DICER1: variants seen among roughly 807,000 people sequenced by gnomAD.
DICER1 encodes the protein endoribonuclease Dicer.
Under a neutral mutation model 194.1 loss-of-function variants are expected in DICER1, and 43 were observed. That is an observed-to-expected ratio of 0.22 (90% CI 0.17 to 0.29). The LOEUF (loss-of-function observed/expected upper bound fraction) is 0.29, where lower values mean the gene tolerates loss of function less well. Ranked by LOEUF, DICER1 falls within the 10% of genes least tolerant of loss-of-function variation. The pLI, the probability that DICER1 is intolerant of heterozygous loss-of-function variation, is 1.00. For missense variants in DICER1, 1,608 were observed against 2,317.0 expected, an observed-to-expected ratio of 0.69 and a Z score of 6.28; for synonymous variants, 832 against 820.5, an observed-to-expected ratio of 1.01 and a Z score of -0.24.
Position 95,096,611 on chromosome 14 carries a change from C to T in DICER1, c.4309G>A (p.Asp1437Asn), listed in dbSNP as rs1595342200. Reference protein sequence around the residue: ...LMWRAPKEEADYEDDFLEYDQ... With the variant: ...LMWRAPKEEANYEDDFLEYDQ... ...TACTCCAGGAAATCATCTTCATAGT[C>T]AGCCTCTTCCTTCGGAGCCCTCCAC... is the stretch of plus-strand genomic sequence containing the variant. The change falls in exon 23 of 27, where the codon GAC becomes AAC. Residue 1437 changes from aspartate (D) to asparagine (N), a missense_variant. By Grantham distance (23) the Asp-to-Asn change is conservative. Around this residue, in one of 10 missense-constraint regions of DICER1, gnomAD observed 164 missense variants for 183.7 expected, o/e 0.89. Coordinates refer to ENST00000343455, the MANE Select transcript of DICER1 (RefSeq NM_177438.3). 1.2e-6 allele frequency: 2 copies of T among 1,611,432 alleles called. No individual in the cohort carries two copies. Among genetic ancestry groups the T allele is most frequent in the South Asian group, 1.1e-5 (1 of 90,682 alleles).
chr14:95,097,085 A>G, intron 22 of DICER1, among the ~76,000 whole-genome samples: 1 of 152,234 alleles, frequency 6.6e-6, no homozygotes, highest in East Asian at 1.9e-4. Flanking sequence ...TGCTGATCAC[A>G]CAGATCTTCA....
At chr14:95,142,224 C>T (rs1894868515) in intron 1 of DICER1, among the ~76,000 whole-genome samples, 1 of 152,034 alleles carries the variant, frequency 6.6e-6, no homozygotes, top group African/African-American at 2.4e-5. Context: ...TCCCAAAGTG[C>T]TGTAGTCCCA....
At chr14:95,140,306 A>G (rs988358540) in intron 1 of DICER1, among the ~76,000 whole-genome samples, 43 of 152,310 alleles carry the variant, frequency 2.8e-4, no homozygotes, top group African/African-American at 1.0e-3. Context: ...GTCTCGTAAG[A>G]TTATGATACT....
chr14:95,149,558 GC>G (rs748943406), intron 1 of DICER1, among the ~76,000 whole-genome samples: 3 of 151,902 alleles, frequency 2.0e-5, no homozygotes, highest in Non-Finnish European at 4.4e-5. Context: ...TTATATTACT[GC>G]CCCATATATT....
chr14:95,101,887 C>G (rs1308566636), intron 21 of DICER1, among the ~76,000 whole-genome samples: 1 of 152,122 alleles, frequency 6.6e-6, no homozygotes, highest in African/African-American at 2.4e-5. Context: ...TGTGATGGTT[C>G]TATCCGGAGC....
intron 8 of DICER1, among the ~76,000 whole-genome samples, chr14:95,118,272 A>G (rs528559750): frequency 6.6e-6 from 1 of 152,212 alleles, no homozygotes; most frequent in African/African-American, 2.4e-5. Flanking sequence ...GGAAACCTTC[A>G]CCCCCAACAA....
At chr14:95,096,762 TA>T in intron 22 of DICER1, 49 bp from the exon 23 acceptor site, 2 of 1,548,990 alleles carry the variant, frequency 1.3e-6, no homozygotes, top group Non-Finnish European at 1.7e-6. Context: ...CTGCTGTTTT[TA>T]AAAGGGTTTG....
At position 95,111,476 on chromosome 14, in the gene DICER1, A is replaced by G. The variant is rs1891956467; in HGVS notation, c.2117-20T>C. ...GTTCGCCTAACAAATTTAAAGAGAGAATTAACACAATCCAGATTTTGCCTG... is the reference window on the plus strand; with the variant it reads ...GTTCGCCTAACAAATTTAAAGAGAGGATTAACACAATCCAGATTTTGCCTG... On this transcript the variant is annotated intron_variant, in intron 13 of 26. Coordinates refer to ENST00000343455, the MANE Select transcript of DICER1 (RefSeq NM_177438.3). 1 of 1,613,506 alleles carries G rather than the reference A, an allele frequency of 6.2e-7. No individual in the cohort carries two copies. Among genetic ancestry groups the G allele is most frequent in the African/African-American group, 1.3e-5 (1 of 75,038 alleles).
rs754642180 is a variant in DICER1, at chr14:95,091,208, A to G, written c.5522T>C (p.Leu1841Pro). The change falls in exon 25 of 27, where the codon CTA becomes CCA. Residue 1841 changes from leucine (L) to proline (P), a missense_variant. Transcript: ENST00000343455. Reference sequence around the variant, plus strand: ...CTAAAGGGAGCCAACAATACCTATTAGTGGCCGCATCATGGGATAGTACAC... The same window carrying G: ...CTAAAGGGAGCCAACAATACCTATTGGTGGCCGCATCATGGGATAGTACAC... ...WQVYYPMMRP[L>P]IEKFSANVPR... The G allele has an allele frequency of 6.2e-7, 1 of 1,614,186 alleles. No individual in the cohort carries two copies. The highest frequency in any genetic ancestry group is 8.5e-7 in the Non-Finnish European group (1 of 1,180,018).
intron 1 of DICER1, among the ~76,000 whole-genome samples, chr14:95,153,075 G>A (rs532783761): frequency 6.6e-6 from 1 of 152,114 alleles, no homozygotes; most frequent in Admixed American, 6.5e-5. Context: ...AAATTAGCAG[G>A]GTGTGGTGGC....
At chr14:95,135,103 G>A (rs1421433180) in intron 1 of DICER1, among the ~76,000 whole-genome samples, 1 of 152,106 alleles carries the variant, frequency 6.6e-6, no homozygotes, top group Non-Finnish European at 1.5e-5. Context: ...AGATCAGGAG[G>A]CCACTCTGAA....
chr14:95,128,932 G>A (rs916860659), intron 6 of DICER1: 21 of 151,726 alleles, frequency 1.4e-4, no homozygotes, highest in African/African-American at 4.9e-4. Context: ...CCTAAGTTAT[G>A]AAGGTTTTGT....
Position 95,137,244 on chromosome 14 carries a change from A to C in DICER1, c.-45-3741T>G, listed in dbSNP as rs555184450. Among the ~76,000 whole-genome samples, 40 of 139,772 alleles carry C rather than the reference A, an allele frequency of 2.9e-4. No homozygotes were observed. The South Asian group carries it at 8.8e-3, about 31-fold the overall frequency. 91.7% of individuals were successfully genotyped at this position (139,772 alleles called of 152,430 possible). A position where few individuals can be genotyped will look rare whatever the true frequency, so the allele number is the denominator to read the frequency against. ...GGGGAAAGGAAAGGGGAAGAGGAAG[A>C]GAAAGGGGAAATAAAAAGGAAAATG... On this transcript the variant is annotated intron_variant, in intron 1 of 26. Transcript: ENST00000343455.
intron 14 of DICER1, 93 bp from the exon 15 acceptor site, chr14:95,108,596 T>A: frequency 8.7e-7 from 1 of 1,148,450 alleles, no homozygotes; most frequent in Non-Finnish European, 1.3e-6. Context: ...CTGGCTTTAC[T>A]AAAAGCTGAT....
intron 8 of DICER1, among the ~76,000 whole-genome samples, chr14:95,120,223 A>T (rs2140160720): frequency 6.6e-6 from 1 of 152,296 alleles, no homozygotes; most frequent in Admixed American, 6.5e-5. Flanking sequence ...TGTGGAGAAA[A>T]CCAGATATAA....
chr14:95,112,984 AG>A, intron 12 of DICER1, 107 bp downstream of exon 12: 1 of 1,208,302 alleles, frequency 8.3e-7, no homozygotes, highest in Non-Finnish European at 1.2e-6. Context: ...TCATGAAAGT[AG>A]ATTTTAAAAT....
chr14:95,129,513 C>T lies in DICER1; in HGVS notation c.693G>A (p.Lys231=). ...EKIQKLEKIL[K]SNAETATDLV... ...GGTCAGTTGCAGTTTCAGCATTACT[C>T]TTAAGAATTTTCTCTAGTTTCTGAA... The change falls in exon 6 of 27, where the codon AAG becomes AAA. Residue 231 remains lysine (K), a synonymous_variant. Coordinates refer to ENST00000343455, the MANE Select transcript of DICER1 (RefSeq NM_177438.3). 1.9e-6 allele frequency: 3 copies of T among 1,613,980 alleles called. No individual in the cohort carries two copies. The South Asian group carries it at 3.3e-5, about 18-fold the overall frequency.
At chr14:95,126,782 C>CA in intron 6 of DICER1, 34 bp from the exon 7 acceptor site, 4 of 1,300,006 alleles carry the variant, frequency 3.1e-6, no homozygotes, top group Non-Finnish European at 4.2e-6. Context: ...ATCAATACTG[C>CA]AGTAGTGAGA....
chr14:95,096,578 C>T lies in DICER1; in HGVS notation c.4342G>A (p.Glu1448Lys). 2 of 1,612,430 alleles carry T rather than the reference C, an allele frequency of 1.2e-6. No individual in the cohort carries two copies. The highest frequency in any genetic ancestry group is 1.7e-6 in the Non-Finnish European group (2 of 1,178,946). Reference sequence around the variant, plus strand: ...ATATTATCTATAAATCTGATATGTTCCTGATCATACTCCAGGAAATCATCT... The same window carrying T: ...ATATTATCTATAAATCTGATATGTTTCTGATCATACTCCAGGAAATCATCT... ...YEDDFLEYDQ[E>K]HIRFIDNMLM... is the part of the protein sequence containing the mutation. Residue 1448 changes from glutamate to lysine, a missense_variant, in exon 23 of 27, where the codon GAA becomes AAA. Glu to Lys is a moderately conservative substitution (Grantham distance 56). This residue lies in a region of DICER1 where 164 missense variants were observed against 183.7 expected (regional missense o/e 0.89). Coordinates refer to ENST00000343455, the MANE Select transcript of DICER1 (RefSeq NM_177438.3).
Sources: gnomAD v4.1 joint callset for allele counts (sites outside exome capture counted in the v4.1 genomes callset) on GRCh38, gnomAD v4.1.1 for gene constraint, gnomAD v4.1.1 regional missense constraint, MANE v1.5 for transcripts, NCBI Gene and HGNC (gene_info 2026-07-23, HGNC 2026-07-21) for gene names.